The following CABYR variants were observed in gnomAD, a reference collection of about 807,000 sequenced individuals.
The protein encoded by CABYR is calcium-binding tyrosine phosphorylation-regulated protein.
CABYR carries 31 observed loss-of-function variants against 36.1 expected under a neutral mutation model. The ratio of observed to expected loss-of-function variants is 0.86; its 90% confidence interval spans 0.64 to 1.16. CABYR has a LOEUF of 1.16. CABYR is among the 50% of genes most tolerant of loss of function. The pLI, the probability that CABYR is intolerant of heterozygous loss-of-function variation, is 0.00. For synonymous variants in CABYR, 146 were observed against 160.7 expected (o/e 0.91, Z 0.69); for missense variants, 429 against 455.8 (o/e 0.94, Z 0.53).
At chr18:24,158,948 GA>G (rs1200629922) in intron 4 of CABYR, among the ~76,000 whole-genome samples, 6 of 152,168 alleles carry the variant, frequency 3.9e-5, no homozygotes, top group African/African-American at 1.4e-4. Flanking sequence ...CTCAATCCTA[GA>G]TTATGTGACG....
rs2085368428 is a variant in CABYR at position 24,143,152 on chromosome 18, G to A, written c.38G>A (p.Gly13Asp). The change falls in exon 2 of 6, where the codon GGC becomes GAC. Residue 13 changes from glycine to aspartate, a missense_variant. Gly to Asp is a moderately conservative substitution (Grantham distance 94). Transcript: ENST00000399496. ...SSKPRLVVPY[G>D]LKTLLEGISR... is the part of the protein sequence containing the mutation. ...AAGCCCAGACTTGTCGTACCCTATG[G>A]CCTCAAGACTCTGCTCGAGGGAATT... The A allele has an allele frequency of 1.2e-6, 2 of 1,613,466 alleles. No individual in the cohort carries two copies. Among genetic ancestry groups the A allele is most frequent in the South Asian group, 2.2e-5 (2 of 90,912 alleles).
Position 24,143,241 on chromosome 18 carries a change from GAACT to G in CABYR, c.128_131del (p.Glu43ValfsTer12). The G allele has an allele frequency of 6.2e-7, 1 of 1,613,558 alleles. No homozygotes were observed. Among genetic ancestry groups the G allele is most frequent in the Non-Finnish European group, 8.5e-7 (1 of 1,179,866 alleles). On this transcript the variant is annotated frameshift_variant, in exon 2 of 6. Transcript: ENST00000399496. LOFTEE classifies it high-confidence loss of function. ...CCAGTTTGCAGCAGCTTATTTTCAA[GAACT>G]TACTATGTATAGAGGTTTGTTATTC...
At position 24,159,536 on chromosome 18, in the gene CABYR, A is replaced by C; in HGVS notation, c.606A>C (p.Leu202=). The C allele has an allele frequency of 6.2e-7, 1 of 1,614,144 alleles. No homozygotes were observed. ...CTAACATGTGGACCCTTTATTGTCT[A>C]ACTGATAAGAATCAACAAGGTCACC... ...PCSNMWTLYC[L]TDKNQQGHPS... The change falls in exon 5 of 6, where the codon CTA becomes CTC. Residue 202 remains leucine (L), a synonymous_variant. Coordinates refer to ENST00000399496, the MANE Select transcript of CABYR (RefSeq NM_153769.3).
Position 24,155,779 on chromosome 18 carries a change from C to CTAAAG in CABYR, c.281_285dup (p.Pro96LysfsTer17), listed in dbSNP as rs1334200603. On this transcript the variant is annotated frameshift_variant, in exon 4 of 6. Transcript: ENST00000399496. LOFTEE classifies it high-confidence loss of function. ...GAACCAGGAAAAACATCTGTAGAATCTAAAGTACCTACCCAGATGGAAAAA... is the reference window on the plus strand; with the variant it reads ...GAACCAGGAAAAACATCTGTAGAATCTAAAGTAAAGTACCTACCCAGATGGAAAAA... The CTAAAG allele has an allele frequency of 1.9e-6, 3 of 1,613,970 alleles. No individual in the cohort carries two copies. In the Admixed American group the frequency reaches 5.0e-5, roughly 27 times the overall value.
chr18:24,139,497 A>C (rs537143734), intron 1 of CABYR: 235 of 152,318 alleles, frequency 1.5e-3, no homozygotes, highest in African/African-American at 4.9e-3. Flanking sequence ...ATGGCTCCGA[A>C]GTCCCCGCTG....
Position 24,158,485 on chromosome 18 carries a change from A to C in CABYR, c.542-987A>C, listed in dbSNP as rs758582273. 6.1e-4 allele frequency among the ~76,000 whole-genome samples: 93 copies of C among 151,706 alleles called. 2 individuals are homozygous for C. Among genetic ancestry groups the C allele is most frequent in the Non-Finnish European group, 1.8e-4 (12 of 67,932 alleles). ...AGGCATGCGCCACCATGCCCGGCTA[A>C]TTTTGTATTTTTAGTAGAGATGGAG... On this transcript the variant is annotated intron_variant, in intron 4 of 5. Transcript: ENST00000399496.
intron 3 of CABYR, among the ~76,000 whole-genome samples, chr18:24,150,039 A>C (rs2085579274): frequency 6.6e-6 from 1 of 152,250 alleles, no homozygotes; most frequent in Non-Finnish European, 1.5e-5. Flanking sequence ...AAGTGCCGCC[A>C]AAGTGGGAGC....
chr18:24,151,269 A>G (rs900874947), intron 3 of CABYR, among the ~76,000 whole-genome samples: 1 of 152,214 alleles, frequency 6.6e-6, no homozygotes, highest in Non-Finnish European at 1.5e-5. Context: ...AGCCAATTTG[A>G]GTCATTTTAT....
At chr18:24,144,397 G>T (rs1357670238) in intron 3 of CABYR, among the ~76,000 whole-genome samples, 1 of 152,206 alleles carries the variant, frequency 6.6e-6, no homozygotes, top group South Asian at 2.1e-4. Flanking sequence ...GCCAATCCTT[G>T]AGTGAGATAA....
At chr18:24,158,548 C>T (rs1370886544) in intron 4 of CABYR, among the ~76,000 whole-genome samples, 1 of 152,096 alleles carries the variant, frequency 6.6e-6, no homozygotes, top group Non-Finnish European at 1.5e-5. Flanking sequence ...GAACTCCCGA[C>T]CTCAGGTGAT....
chr18:24,154,490 A>G (rs564520858), intron 3 of CABYR, among the ~76,000 whole-genome samples: 22 of 152,358 alleles, frequency 1.4e-4, no homozygotes, highest in African/African-American at 5.0e-4. Flanking sequence ...TATAATGTCC[A>G]TGTCCCGAAT....
intron 5 of CABYR, chr18:24,160,753 A>AAAC (rs1483160901): frequency 1.3e-5 from 2 of 152,508 alleles, no homozygotes; most frequent in East Asian, 3.8e-4. Flanking sequence ...ATTATGGAGA[A>AAAC]AACAGGGTGC....
intron 1 of CABYR, among the ~76,000 whole-genome samples, chr18:24,140,835 A>C (rs991977121): frequency 3.3e-5 from 5 of 152,170 alleles, no homozygotes; most frequent in African/African-American, 1.2e-4. Flanking sequence ...TTAACATAAT[A>C]ATCTCCAGTT....
At chr18:24,144,144 T>A (rs528118134) in intron 3 of CABYR, among the ~76,000 whole-genome samples, 69 of 152,264 alleles carry the variant, frequency 4.5e-4, no homozygotes, top group African/African-American at 1.7e-3. Context: ...GTGATCTGCC[T>A]GCCTCAACCT....
intron 3 of CABYR, 96 bp downstream of exon 3, chr18:24,143,509 ATTATT>A (rs2085379933): frequency 1.9e-6 from 1 of 533,512 alleles, no homozygotes; most frequent in Admixed American, 4.0e-5. Flanking sequence ...GTGCCCACAA[ATTATT>A]TTATGTTTAA....
At chr18:24,142,543 T>G (rs1457607469) in intron 1 of CABYR, among the ~76,000 whole-genome samples, 1 of 152,082 alleles carries the variant, frequency 6.6e-6, no homozygotes, top group Non-Finnish European at 1.5e-5. Context: ...TTCTTTGTTT[T>G]TAATGTCCTC....
rs1005587175 is a variant in CABYR at position 24,159,601 on chromosome 18, C to A, written c.671C>A (p.Thr224Asn). Residue 224 changes from threonine to asparagine, a missense_variant, in exon 5 of 6, where the codon ACC becomes AAC. Transcript: ENST00000399496. ...GCACCTGGGCCTTTTCCCCAAGCAA[C>A]CCTCTATTTACCTAATCCTAAGGAT... is the stretch of plus-strand genomic sequence containing the variant. ...PPAPGPFPQA[T>N]LYLPNPKDPQ... 5 of 1,614,050 alleles carry A rather than the reference C, an allele frequency of 3.1e-6. No individual in the cohort carries two copies. The highest frequency in any genetic ancestry group is 4.2e-6 in the Non-Finnish European group (5 of 1,180,002).
At chr18:24,140,639 G>T (rs2085294277) in intron 1 of CABYR, among the ~76,000 whole-genome samples, 1 of 152,040 alleles carries the variant, frequency 6.6e-6, no homozygotes, top group African/African-American at 2.4e-5. Context: ...CAAGTAGTAG[G>T]TTTTATTCAT....
chr18:24,151,396 T>A (rs2085628636), intron 3 of CABYR, among the ~76,000 whole-genome samples: 1 of 152,242 alleles, frequency 6.6e-6, no homozygotes, highest in Non-Finnish European at 1.5e-5. Context: ...CATAGTGGGT[T>A]AATCTTCATA....
Sources: allele counts gnomAD v4.1 joint callset (sites outside exome capture counted in the v4.1 genomes callset), GRCh38; gene constraint gnomAD v4.1.1; transcripts MANE v1.5; gene names NCBI Gene and HGNC (gene_info 2026-07-23, HGNC 2026-07-21).